Variants in NIBAN3 observed in about 807,000 individuals in gnomAD.
NIBAN3 encodes the protein protein Niban 3.
In NIBAN3, 66 loss-of-function variants were observed where a neutral mutation model predicts 76.4. The observed-to-expected ratio is 0.86, with a 90% CI of 0.71 to 1.06. The LOEUF is 1.06. NIBAN3 is among the 50% of genes least tolerant of loss of function. The pLI is 0.00. For synonymous variants in NIBAN3, 360 were observed against 355.2 expected (o/e 1.01, Z -0.15); for missense variants, 808 against 810.7 (o/e 1.00, Z 0.04).
upstream of NIBAN3, chr19:17,523,356 G>A: frequency 7.4e-7 from 1 of 1,347,372 alleles, no homozygotes. Context: ...CAGGGTGAGA[G>A]TGGAGCCGAA....
intron 13 of NIBAN3, among the ~76,000 whole-genome samples, chr19:17,549,200 T>G (rs2076113222): frequency 2.0e-5 from 3 of 152,124 alleles, no homozygotes; most frequent in Non-Finnish European, 4.4e-5. Flanking sequence ...CATCCTGAAT[T>G]GATTTGTGAT....
rs2075742097 is a variant in NIBAN3, at chr19:17,532,286, C to T, written c.210C>T (p.His70=). 1 of 1,613,404 alleles carries T rather than the reference C, an allele frequency of 6.2e-7. No homozygotes were observed. Among genetic ancestry groups the T allele is most frequent in the Non-Finnish European group, 8.5e-7 (1 of 1,179,590 alleles). The change falls in exon 3 of 15, where the codon CAC becomes CAT. Residue 70 remains histidine (H), a synonymous_variant. Coordinates refer to ENST00000599164, the MANE Select transcript of NIBAN3 (RefSeq NM_001321827.2). ...AGAAGCTGCCCCGAGTCCGTGAGCACCGAGGACCCCTGACCCAGCTTCGGG... is the reference window on the plus strand; with the variant it reads ...AGAAGCTGCCCCGAGTCCGTGAGCATCGAGGACCCCTGACCCAGCTTCGGG... ...RSKKLPRVRE[H]RGPLTQLRGH...
At chr19:17,548,030 G>T (rs191169048) in intron 13 of NIBAN3, among the ~76,000 whole-genome samples, 1 of 152,228 alleles carries the variant, frequency 6.6e-6, no homozygotes, top group East Asian at 1.9e-4. Context: ...TTTTTCTCTG[G>T]GCTGGCATTG....
chr19:17,534,835 A>T (rs1165317679), intron 4 of NIBAN3, among the ~76,000 whole-genome samples: 1 of 151,840 alleles, frequency 6.6e-6, no homozygotes, highest in African/African-American at 2.4e-5. Context: ...GAGAAGGAAC[A>T]ATTCCAATTC....
chr19:17,536,703 T>C (rs114998666), intron 4 of NIBAN3, among the ~76,000 whole-genome samples: 5,740 of 152,270 alleles, frequency 0.038, 307 homozygotes, highest in African/African-American at 0.13. Flanking sequence ...CCGCGGCTGG[T>C]CCCCAAATAA....
chr19:17,549,638 C>A, intron 14 of NIBAN3, 111 bp downstream of exon 14: 1 of 903,368 alleles, frequency 1.1e-6, no homozygotes, highest in South Asian at 1.3e-5. Context: ...ATGGACGGAA[C>A]AGAATGCACT....
intron 4 of NIBAN3, among the ~76,000 whole-genome samples, chr19:17,534,274 G>A (rs1599720490): frequency 6.6e-6 from 1 of 152,300 alleles, no homozygotes; most frequent in South Asian, 2.1e-4. Context: ...CACCACTTTG[G>A]GAGGCCGAGG....
chr19:17,554,423 T>G (rs985289271), downstream of NIBAN3, among the ~76,000 whole-genome samples: 2 of 151,312 alleles, frequency 1.3e-5, no homozygotes, highest in African/African-American at 4.9e-5. Flanking sequence ...GAGGCTGCAG[T>G]GAGCCATGAT....
intron 5 of NIBAN3, among the ~76,000 whole-genome samples, chr19:17,538,856 G>A: frequency 6.6e-6 from 1 of 152,206 alleles, no homozygotes; most frequent in East Asian, 1.9e-4. Flanking sequence ...CAGTTGGGCA[G>A]GTTGTTGACT....
chr19:17,534,762 G>A (rs904385990), intron 4 of NIBAN3, among the ~76,000 whole-genome samples: 13 of 145,084 alleles, frequency 9.0e-5, no homozygotes, highest in Non-Finnish European at 1.9e-4. Flanking sequence ...CTGCACTCCA[G>A]CCAGGGTGAC....
intron 3 of NIBAN3, among the ~76,000 whole-genome samples, 154 bp downstream of exon 3, chr19:17,532,542 G>A (rs944058595): frequency 6.6e-6 from 1 of 152,154 alleles, no homozygotes; most frequent in Non-Finnish European, 1.5e-5. Context: ...CCTGTTGTAG[G>A]CAACCATCTC....
chr19:17,539,532 T>C (rs1364025001), intron 7 of NIBAN3, 71 bp from the exon 8 acceptor site: 1 of 1,462,866 alleles, frequency 6.8e-7, no homozygotes, highest in Non-Finnish European at 9.1e-7. Flanking sequence ...GCCTAAACCC[T>C]CTCCCGATCT....
chr19:17,546,944 T>A, intron 13 of NIBAN3, 147 bp downstream of exon 13: 1 of 1,014,020 alleles, frequency 9.9e-7, no homozygotes, highest in Non-Finnish European at 1.4e-6. Flanking sequence ...AGGTCCAGGG[T>A]AGAGGAGCTC....
At position 17,530,823 on chromosome 19, in the gene NIBAN3, C is replaced by T. The variant is rs757314256; in HGVS notation, c.124C>T (p.Arg42Trp). ...TGGGCAGCTGGCAGCGTCTGTCCTGCGGCAGATCTCTCGAGAGCTGGGCCC... is the reference window on the plus strand; with the variant it reads ...TGGGCAGCTGGCAGCGTCTGTCCTGTGGCAGATCTCTCGAGAGCTGGGCCC... Reference protein sequence around the residue: ...YRGQLAASVLRQISRELGPQE... With the variant: ...YRGQLAASVLWQISRELGPQE... Residue 42 changes from arginine to tryptophan, a missense_variant, in exon 2 of 15, where the codon CGG becomes TGG. Physicochemically the swap from Arg to Trp is moderately radical, Grantham distance 101. Coordinates refer to ENST00000599164, the MANE Select transcript of NIBAN3 (RefSeq NM_001321827.2). The T allele has an allele frequency of 1.9e-5, 30 of 1,613,504 alleles. 1 individual carries two copies. In the South Asian group the frequency reaches 1.9e-4, roughly 10 times the overall value.
In NIBAN3 at chr19:17,543,427, G is replaced by A; in HGVS notation, c.1440G>A (p.Val480=). ...GGCTGGAGAGAGTCAGGGGGCGCGT[G>A]CTGAAGGTGTGTTCTGTGGGTACGG... ...AQRLERVRGR[V]LKKFKSDSGL... The change falls in exon 11 of 15, where the codon GTG becomes GTA. Residue 480 remains valine, a synonymous_variant. Coordinates refer to ENST00000599164, the MANE Select transcript of NIBAN3 (RefSeq NM_001321827.2). 6.2e-7 allele frequency: 1 copy of A among 1,613,754 alleles called. No homozygotes were observed. The highest frequency in any genetic ancestry group is 1.1e-5 in the South Asian group (1 of 91,076).
chr19:17,540,319 G>C, intron 8 of NIBAN3, 73 bp from the exon 9 acceptor site: 9 of 1,160,118 alleles, frequency 7.8e-6, no homozygotes, highest in Non-Finnish European at 1.0e-5. Flanking sequence ...TCCCCCTCGC[G>C]AGGGCCCCTG....
intron 13 of NIBAN3, among the ~76,000 whole-genome samples, chr19:17,547,035 A>C (rs2076068512): frequency 6.6e-6 from 1 of 152,070 alleles, no homozygotes; most frequent in Non-Finnish European, 1.5e-5. Context: ...TCTCAGGATG[A>C]GAAGAAGGAG....
intron 5 of NIBAN3, 127 bp downstream of exon 5, chr19:17,537,670 G>A: frequency 2.3e-6 from 2 of 878,490 alleles, no homozygotes; most frequent in Admixed American, 3.1e-5. Flanking sequence ...TTTAGGCCAG[G>A]TGTGGTGGTT....
chr19:17,551,380 C>T (rs1386707691), intron 14 of NIBAN3, among the ~76,000 whole-genome samples: 2 of 151,798 alleles, frequency 1.3e-5, no homozygotes, highest in African/African-American at 4.8e-5. Flanking sequence ...CAAGCGTGAG[C>T]CACTGCACCC....
Sources: gnomAD v4.1 joint callset for allele counts (sites outside exome capture counted in the v4.1 genomes callset) on GRCh38, gnomAD v4.1.1 for gene constraint, MANE v1.5 for transcripts, NCBI Gene and HGNC (gene_info 2026-07-23, HGNC 2026-07-21) for gene names.